WWOX: variants seen among roughly 807,000 people sequenced by gnomAD.
WWOX encodes WW domain-containing oxidoreductase.
In WWOX, 69 loss-of-function variants were observed where a neutral mutation model predicts 46.2. The ratio of observed to expected loss-of-function variants is 1.49; its 90% CI spans 1.23 to 1.82. The LOEUF (loss-of-function observed/expected upper bound fraction) is 1.82. WWOX is among the 40% of genes most tolerant of loss of function. The probability of loss-of-function intolerance (pLI) is 0.00; values close to 1 mark genes in which losing one functional copy is unlikely to be tolerated. For missense variants in WWOX, 919 were observed against 542.6 expected, an observed-to-expected ratio of 1.69 and a Z score of -6.89; for synonymous variants, 359 against 202.6, an observed-to-expected ratio of 1.77 and a Z score of -6.56.
At chr16:78,420,113 TAAC>T (rs2082887514) in intron 6 of WWOX, among the ~76,000 whole-genome samples, 1 of 152,038 alleles carries the variant, frequency 6.6e-6, no homozygotes, top group Non-Finnish European at 1.5e-5. Flanking sequence ...AAAAGTCAGA[TAAC>T]AAATACTTAC....
chr16:78,738,288 C>T (rs768376714), intron 8 of WWOX, among the ~76,000 whole-genome samples: 2 of 151,978 alleles, frequency 1.3e-5, no homozygotes, highest in African/African-American at 2.4e-5. Context: ...TAGGTGTGCT[C>T]TTGTGTCTGG....
intron 8 of WWOX, among the ~76,000 whole-genome samples, chr16:79,073,150 G>GTTA (rs58438039): frequency 0.19 from 27,701 of 142,792 alleles, 2,718 homozygotes; most frequent in African/African-American, 0.24. Flanking sequence ...GTAGTTATTC[G>GTTA]TTATTATTAT....
chr16:78,363,390 C>T (rs1043052348), intron 5 of WWOX, among the ~76,000 whole-genome samples: 2 of 151,878 alleles, frequency 1.3e-5, no homozygotes, highest in African/African-American at 4.8e-5. Context: ...TTTCCTTTCT[C>T]AGACCCCAAA....
intron 8 of WWOX, among the ~76,000 whole-genome samples, chr16:78,692,116 G>C (rs2048003824): frequency 6.6e-6 from 1 of 152,108 alleles, no homozygotes; most frequent in Admixed American, 6.5e-5. Flanking sequence ...CCCAGTCTCA[G>C]GTATGTCTTT....
chr16:79,085,880 TA>T (rs1173218440), intron 8 of WWOX, among the ~76,000 whole-genome samples: 13 of 151,952 alleles, frequency 8.6e-5, no homozygotes, highest in African/African-American at 3.1e-4. Context: ...ACCTCATCAC[TA>T]CAAAAAATAA....
At chr16:78,419,648 AAAG>A (rs2082877857) in intron 6 of WWOX, among the ~76,000 whole-genome samples, 1 of 149,542 alleles carries the variant, frequency 6.7e-6, no homozygotes, top group African/African-American at 2.5e-5. Flanking sequence ...AAAAAAAAAA[AAAG>A]GGTCAGAGAC....
chr16:78,417,197 C>T (rs1238818876), intron 6 of WWOX, among the ~76,000 whole-genome samples: 1 of 152,104 alleles, frequency 6.6e-6, no homozygotes, highest in Non-Finnish European at 1.5e-5. Context: ...CTCAGCTTCC[C>T]AAGTAGCTGA....
intron 8 of WWOX, among the ~76,000 whole-genome samples, chr16:79,019,999 G>C (rs893665400): frequency 6.6e-6 from 1 of 152,178 alleles, no homozygotes; most frequent in African/African-American, 2.4e-5. Flanking sequence ...TCCCCACTGT[G>C]GGGAAGAGCT....
At chr16:78,356,582 A>C (rs1359547361) in intron 5 of WWOX, among the ~76,000 whole-genome samples, 2 of 152,142 alleles carry the variant, frequency 1.3e-5, no homozygotes, top group Non-Finnish European at 2.9e-5. Context: ...AAAGACTATC[A>C]CATGGAAACA....
chr16:78,605,351 C>A (rs2045729800), intron 8 of WWOX, among the ~76,000 whole-genome samples: 1 of 151,066 alleles, frequency 6.6e-6, no homozygotes, highest in Non-Finnish European at 1.5e-5. Context: ...GATTTGACTT[C>A]TTAAGTCCTT....
intron 8 of WWOX, 66 bp from the exon 9 acceptor site, chr16:79,211,542 G>C: frequency 1.2e-6 from 2 of 1,607,080 alleles, no homozygotes; most frequent in East Asian, 4.5e-5. Flanking sequence ...CCAGGCAGTC[G>C]AAATGACGCC....
At chr16:78,755,777 C>G (rs144556459) in intron 8 of WWOX, among the ~76,000 whole-genome samples, 5 of 152,178 alleles carry the variant, frequency 3.3e-5, no homozygotes, top group African/African-American at 9.7e-5. Flanking sequence ...GGGATAATTA[C>G]AAAAACATAC....
At chr16:78,659,173 C>T (rs774425702) in intron 8 of WWOX, among the ~76,000 whole-genome samples, 1 of 151,854 alleles carries the variant, frequency 6.6e-6, no homozygotes, top group African/African-American at 2.4e-5. Flanking sequence ...GCTCTTTAAC[C>T]CAGTATGAGC....
At chr16:78,724,107 A>G (rs1352497533) in intron 8 of WWOX, among the ~76,000 whole-genome samples, 1 of 152,202 alleles carries the variant, frequency 6.6e-6, no homozygotes, top group Admixed American at 6.5e-5. Flanking sequence ...CAGGATGTGC[A>G]GGACGAGGAG....
chr16:79,209,072 G>T (rs1306939632), intron 8 of WWOX, among the ~76,000 whole-genome samples: 2 of 152,182 alleles, frequency 1.3e-5, no homozygotes, highest in Non-Finnish European at 1.5e-5. Context: ...AGCCACTTGT[G>T]ATGGAATTTA....
At chr16:78,164,765 A>G (rs1179504527) in intron 5 of WWOX, among the ~76,000 whole-genome samples, 2 of 152,248 alleles carry the variant, frequency 1.3e-5, no homozygotes, top group Non-Finnish European at 2.9e-5. Context: ...ATTAAACGAA[A>G]CAGAATCCCT....
At chr16:78,140,328 C>T (rs1567594146) in intron 4 of WWOX, among the ~76,000 whole-genome samples, 1 of 152,078 alleles carries the variant, frequency 6.6e-6, no homozygotes, top group Non-Finnish European at 1.5e-5. Flanking sequence ...AAATGAGTCC[C>T]AGTTTGATGA....
At chr16:78,748,928 A>G (rs1334414218) in intron 8 of WWOX, among the ~76,000 whole-genome samples, 1 of 152,260 alleles carries the variant, frequency 6.6e-6, no homozygotes, top group African/African-American at 2.4e-5. Flanking sequence ...TTCTCCTTGC[A>G]ATCAAATAAT....
At chr16:78,407,485 T>C (rs1049076728) in intron 6 of WWOX, among the ~76,000 whole-genome samples, 3 of 152,200 alleles carry the variant, frequency 2.0e-5, no homozygotes, top group Non-Finnish European at 2.9e-5. Flanking sequence ...GCCTCACTTT[T>C]GGGGAGCATG....
Sources: gnomAD v4.1 joint callset for allele counts (sites outside exome capture counted in the v4.1 genomes callset) on GRCh38, gnomAD v4.1.1 for gene constraint, MANE v1.5 for transcripts, NCBI Gene and HGNC (gene_info 2026-07-23, HGNC 2026-07-21) for gene names.